Variants in PTPRD observed in about 807,000 individuals in gnomAD.
PTPRD encodes the protein protein tyrosine phosphatase receptor type D.
PTPRD carries 34 observed loss-of-function variants against 214.5 expected under a neutral mutation model. That is an observed-to-expected ratio of 0.16 (90% CI 0.12 to 0.21). The LOEUF (loss-of-function observed/expected upper bound fraction) is 0.21, where lower values mean the gene tolerates loss of function less well. PTPRD is among the 10% of genes least tolerant of loss of function. The pLI, the probability that PTPRD is intolerant of heterozygous loss-of-function variation, is 1.00. For synonymous variants in PTPRD, 1,128 were observed against 845.7 expected, an observed-to-expected ratio of 1.33 and a Z score of -5.79; for missense variants, 2,545 against 2,398.7, an observed-to-expected ratio of 1.06 and a Z score of -1.27.
At chr9:10,362,678 G>A (rs561110739) in intron 2 of PTPRD, among the ~76,000 whole-genome samples, 6 of 152,134 alleles carry the variant, frequency 3.9e-5, no homozygotes, top group African/African-American at 1.4e-4. Context: ...TCAGGAGATC[G>A]AGACCAGCCT....
chr9:10,300,853 A>C (rs1038403580), intron 3 of PTPRD, among the ~76,000 whole-genome samples: 1 of 152,110 alleles, frequency 6.6e-6, no homozygotes, highest in Non-Finnish European at 1.5e-5. Context: ...GCAGACTTAA[A>C]CATTCCTGCC....
intron 3 of PTPRD, among the ~76,000 whole-genome samples, chr9:10,330,850 A>G (rs10959051): frequency 0.35 from 52,799 of 151,632 alleles, 10,347 homozygotes; most frequent in African/African-American, 0.53. Flanking sequence ...TACTTCTCAA[A>G]TTTGCATCAA....
intron 10 of PTPRD, among the ~76,000 whole-genome samples, chr9:9,052,448 T>C (rs1408158056): frequency 6.6e-6 from 1 of 152,244 alleles, no homozygotes; most frequent in Non-Finnish European, 1.5e-5. Context: ...TTGTGTCCCA[T>C]ACATCCTTCC....
At chr9:9,755,280 C>A (rs2098557199) in intron 6 of PTPRD, among the ~76,000 whole-genome samples, 1 of 151,932 alleles carries the variant, frequency 6.6e-6, no homozygotes, top group South Asian at 2.1e-4. Context: ...TTTAAAATCA[C>A]TGAGTATGCT....
At chr9:10,294,911 G>C (rs1377191909) in intron 3 of PTPRD, among the ~76,000 whole-genome samples, 1 of 151,908 alleles carries the variant, frequency 6.6e-6, no homozygotes, top group Non-Finnish European at 1.5e-5. Flanking sequence ...TTTGTTTATT[G>C]TATGGTTTGA....
intron 7 of PTPRD, among the ~76,000 whole-genome samples, chr9:9,597,279 T>C (rs776332390): frequency 7.9e-5 from 12 of 151,954 alleles, no homozygotes; most frequent in Non-Finnish European, 1.6e-4. Context: ...GAAAAAGACA[T>C]ACATTTAAAC....
chr9:9,920,961 G>T (rs558366894), intron 5 of PTPRD, among the ~76,000 whole-genome samples: 161 of 152,176 alleles, frequency 1.1e-3, no homozygotes, highest in Non-Finnish European at 1.1e-3. Flanking sequence ...CTGACAGAGC[G>T]AATTACAAGT....
At chr9:9,007,546 ATTTC>A (rs2099483190) in intron 11 of PTPRD, among the ~76,000 whole-genome samples, 1 of 151,800 alleles carries the variant, frequency 6.6e-6, no homozygotes, top group Non-Finnish European at 1.5e-5. Flanking sequence ...ACCTATCAAT[ATTTC>A]TTTCTAATCA....
intron 7 of PTPRD, among the ~76,000 whole-genome samples, chr9:9,595,862 G>A (rs909738557): frequency 1.3e-5 from 2 of 151,296 alleles, no homozygotes; most frequent in South Asian, 2.1e-4. Context: ...CTCAATGATA[G>A]GTACACCAAA....
chr9:8,851,034 G>A lies in PTPRD; in HGVS notation c.-103-117088C>T, dbSNP rs115593332. 9.5e-3 allele frequency among the ~76,000 whole-genome samples: 1,440 copies of A among 152,162 alleles called. 20 individuals are homozygous for A. The highest frequency in any genetic ancestry group is 0.033 in the African/African-American group (1,378 of 41,510). ...ACTGGTGAATCTTAGGGAGACAGAAGGCAGTAAATTCCTTGCCTCCATCAA... is the reference window on the plus strand; with the variant it reads ...ACTGGTGAATCTTAGGGAGACAGAAAGCAGTAAATTCCTTGCCTCCATCAA... On this transcript the variant is annotated intron_variant, in intron 11 of 45. Coordinates refer to ENST00000381196, the MANE Select transcript of PTPRD (RefSeq NM_002839.4).
intron 4 of PTPRD, among the ~76,000 whole-genome samples, chr9:9,994,082 A>C (rs2096044383): frequency 6.6e-6 from 1 of 152,174 alleles, no homozygotes; most frequent in South Asian, 2.1e-4. Flanking sequence ...CAGAAAGATT[A>C]ATTTAACTGC....
intron 39 of PTPRD, among the ~76,000 whole-genome samples, chr9:8,355,248 C>A (rs946910500): frequency 4.6e-5 from 7 of 152,144 alleles, no homozygotes; most frequent in Admixed American, 2.0e-4. Flanking sequence ...CTTTTGCCTT[C>A]CACCAAACTT....
chr9:8,638,023 T>C (rs967297809), intron 12 of PTPRD, among the ~76,000 whole-genome samples: 1 of 152,052 alleles, frequency 6.6e-6, no homozygotes, highest in African/African-American at 2.4e-5. Context: ...CTGCTTTCCA[T>C]CTTTTACACT....
In PTPRD at chr9:8,696,728, T is replaced by C. The variant is rs1030798479; in HGVS notation, c.64+37052A>G. 2.0e-5 allele frequency among the ~76,000 whole-genome samples: 3 copies of C among 152,302 alleles called. No homozygotes were observed. The South Asian group carries it at 6.2e-4, about 32-fold the overall frequency. On this transcript the variant is annotated intron_variant, in intron 12 of 45. Coordinates refer to ENST00000381196, the MANE Select transcript of PTPRD (RefSeq NM_002839.4). Reference sequence around the variant, plus strand: ...GGCAGAGAGGAATGCAGAAGCTAGGTCAACCAACGGCCTTGTAAGCCAAGA... The same window carrying C: ...GGCAGAGAGGAATGCAGAAGCTAGGCCAACCAACGGCCTTGTAAGCCAAGA...
At chr9:9,351,808 G>A (rs2051284721) in intron 9 of PTPRD, among the ~76,000 whole-genome samples, 1 of 151,974 alleles carries the variant, frequency 6.6e-6, no homozygotes, top group East Asian at 1.9e-4. Flanking sequence ...ATTTGGACTA[G>A]TCATTTTGGA....
chr9:8,611,088 C>T (rs1466880672), intron 14 of PTPRD, among the ~76,000 whole-genome samples: 1 of 152,102 alleles, frequency 6.6e-6, no homozygotes, highest in African/African-American at 2.4e-5. Context: ...AATAACATAT[C>T]CAAAAGATTA....
At chr9:10,607,147 G>A (rs1207532551) in intron 2 of PTPRD, among the ~76,000 whole-genome samples, 1 of 151,764 alleles carries the variant, frequency 6.6e-6, no homozygotes. Context: ...AGCATCTAAT[G>A]TAAGTAAATG....
intron 12 of PTPRD, among the ~76,000 whole-genome samples, chr9:8,680,485 T>C (rs1379124997): frequency 1.3e-5 from 2 of 152,198 alleles, no homozygotes; most frequent in African/African-American, 2.4e-5. Flanking sequence ...ATATGTGCAA[T>C]CATGAGATTC....
At chr9:9,782,475 T>C (rs750429224) in intron 5 of PTPRD, among the ~76,000 whole-genome samples, 1 of 152,190 alleles carries the variant, frequency 6.6e-6, no homozygotes, top group Non-Finnish European at 1.5e-5. Context: ...TGAGGTATGT[T>C]ACCAACTGAT....
Sources: allele counts gnomAD v4.1 joint callset (sites outside exome capture counted in the v4.1 genomes callset), GRCh38; gene constraint gnomAD v4.1.1; transcripts MANE v1.5; gene names NCBI Gene and HGNC (gene_info 2026-07-23, HGNC 2026-07-21).